GALNTL6: variants seen among roughly 807,000 people sequenced by gnomAD.
GALNTL6 encodes polypeptide N-acetylgalactosaminyltransferase like 6.
Under a neutral mutation model 73.7 loss-of-function variants are expected in GALNTL6, and 46 were observed. The ratio of observed to expected loss-of-function variants is 0.62; its 90% CI spans 0.49 to 0.80. GALNTL6 has a LOEUF of 0.80. Among genes scored for constraint, GALNTL6 ranks in the 30% least tolerant of loss-of-function variants. GALNTL6 has a pLI of 0.00. For synonymous variants in GALNTL6, 259 were observed against 263.7 expected (o/e 0.98, Z 0.17); for missense variants, 604 against 755.0 (o/e 0.80, Z 2.34).
At chr4:172,362,676 G>A (rs912797620) in intron 5 of GALNTL6, among the ~76,000 whole-genome samples, 1 of 152,030 alleles carries the variant, frequency 6.6e-6, no homozygotes, top group Non-Finnish European at 1.5e-5. Context: ...TGGACATCTG[G>A]AGCTAGAAGG....
chr4:172,928,045 GA>G (rs949044099), intron 8 of GALNTL6, among the ~76,000 whole-genome samples: 2 of 152,176 alleles, frequency 1.3e-5, no homozygotes, highest in African/African-American at 4.8e-5. Context: ...GTTAGTGTTT[GA>G]AAGGATTAAT....
At chr4:172,201,198 G>C (rs1201564109) in intron 2 of GALNTL6, among the ~76,000 whole-genome samples, 1 of 148,236 alleles carries the variant, frequency 6.7e-6, no homozygotes, top group Non-Finnish European at 1.5e-5. Context: ...TGGTTTGTTT[G>C]TTATTGTTTG....
chr4:172,687,372 G>A (rs765716123), intron 5 of GALNTL6, among the ~76,000 whole-genome samples: 4 of 152,076 alleles, frequency 2.6e-5, no homozygotes, highest in Non-Finnish European at 5.9e-5. Flanking sequence ...GCTCATACCT[G>A]TAATCCCAGC....
At chr4:172,062,980 T>C (rs773328855) in intron 2 of GALNTL6, among the ~76,000 whole-genome samples, 2 of 152,352 alleles carry the variant, frequency 1.3e-5, no homozygotes, top group East Asian at 3.9e-4. Flanking sequence ...TCTGGAAGCG[T>C]GCCTTGCAAA....
intron 2 of GALNTL6, chr4:171,815,719 G>A (rs960038757): frequency 1.3e-5 from 2 of 152,182 alleles, no homozygotes; most frequent in Non-Finnish European, 2.9e-5. Context: ...CATAGAAAAT[G>A]TTGAAGTAGT....
chr4:172,851,455 C>T (rs757660417), intron 7 of GALNTL6, among the ~76,000 whole-genome samples: 7 of 151,908 alleles, frequency 4.6e-5, no homozygotes, highest in Non-Finnish European at 8.8e-5. Flanking sequence ...ATATATATCA[C>T]GCATATATAC....
chr4:172,199,322 C>A (rs1039135891), intron 2 of GALNTL6, among the ~76,000 whole-genome samples: 3 of 152,086 alleles, frequency 2.0e-5, no homozygotes, highest in Non-Finnish European at 2.9e-5. Flanking sequence ...GATTATCTGA[C>A]AAAAAGACCA....
intron 6 of GALNTL6, among the ~76,000 whole-genome samples, chr4:172,813,231 G>A (rs1357476353): frequency 6.6e-6 from 1 of 152,168 alleles, no homozygotes; most frequent in South Asian, 2.1e-4. Flanking sequence ...TTCGATTCAC[G>A]ATAAAATGAC....
chr4:172,155,569 C>G (rs1046963604), intron 2 of GALNTL6, among the ~76,000 whole-genome samples: 1 of 152,124 alleles, frequency 6.6e-6, no homozygotes. Flanking sequence ...ATATTTTCTA[C>G]CAGATTTTAA....
intron 2 of GALNTL6, among the ~76,000 whole-genome samples, chr4:172,085,468 A>C (rs1478234577): frequency 1.3e-5 from 2 of 152,054 alleles, no homozygotes; most frequent in African/African-American, 4.8e-5. Context: ...CGGGAGGATC[A>C]CTGGAGCCCA....
chr4:172,102,182 G>A (rs2110962220), intron 2 of GALNTL6, among the ~76,000 whole-genome samples: 1 of 152,264 alleles, frequency 6.6e-6, no homozygotes, highest in South Asian at 2.1e-4. Flanking sequence ...ATAACCCAGT[G>A]GAGATTTACT....
At chr4:172,526,487 T>G (rs28413616) in intron 5 of GALNTL6, among the ~76,000 whole-genome samples, 7,299 of 152,268 alleles carry the variant, frequency 0.048, 535 homozygotes, top group African/African-American at 0.16. Context: ...TCTTTACTTT[T>G]CAATATTATG....
intron 5 of GALNTL6, among the ~76,000 whole-genome samples, chr4:172,727,320 C>A (rs187418148): frequency 6.6e-6 from 1 of 152,282 alleles, no homozygotes; most frequent in African/African-American, 2.4e-5. Flanking sequence ...TTCTCCCATT[C>A]TAGTCTCATT....
intron 5 of GALNTL6, among the ~76,000 whole-genome samples, chr4:172,472,585 G>T (rs909075565): frequency 6.6e-6 from 1 of 152,114 alleles, no homozygotes; most frequent in Non-Finnish European, 1.5e-5. Flanking sequence ...GTTAGGATAA[G>T]GTCATACTGG....
In GALNTL6 at chr4:171,825,253, C is replaced by T. The variant is rs573215986; in HGVS notation, c.138+10535C>T. ...AGAATTGGAAAAATCAAGAATAATG[C>T]GGCTGGAGACCATAGTTGAGTAACT... On this transcript the variant is annotated intron_variant, in intron 2 of 12. Coordinates refer to ENST00000506823, the MANE Select transcript of GALNTL6 (RefSeq NM_001034845.3). Among the ~76,000 whole-genome samples the T allele has an allele frequency of 1.9e-3, 286 of 152,124 alleles. 2 individuals carry two copies. The highest frequency in any genetic ancestry group is 6.0e-3 in the African/African-American group (250 of 41,508).
At chr4:172,920,318 G>A (rs902213628) in intron 8 of GALNTL6, among the ~76,000 whole-genome samples, 1 of 152,138 alleles carries the variant, frequency 6.6e-6, no homozygotes, top group Non-Finnish European at 1.5e-5. Context: ...TGTGAATAAA[G>A]GAAAGCAATG....
chr4:171,974,829 T>G (rs147222099), intron 2 of GALNTL6, among the ~76,000 whole-genome samples: 1 of 152,328 alleles, frequency 6.6e-6, no homozygotes, highest in South Asian at 2.1e-4. Context: ...TGATCATTCA[T>G]TCATCATTTT....
At chr4:172,574,465 T>C (rs1168987752) in intron 5 of GALNTL6, among the ~76,000 whole-genome samples, 1 of 150,992 alleles carries the variant, frequency 6.6e-6, no homozygotes, top group Non-Finnish European at 1.5e-5. Flanking sequence ...ATAAAAATTT[T>C]ATTTTTAAAA....
chr4:172,315,537 C>A (rs1031692206), intron 4 of GALNTL6, among the ~76,000 whole-genome samples: 4 of 152,208 alleles, frequency 2.6e-5, no homozygotes, highest in African/African-American at 9.7e-5. Context: ...AGGCATGAGC[C>A]ACTGTGCCTG....
Sources: allele counts gnomAD v4.1 joint callset (sites outside exome capture counted in the v4.1 genomes callset), GRCh38; gene constraint gnomAD v4.1.1; transcripts MANE v1.5; gene names NCBI Gene and HGNC (gene_info 2026-07-23, HGNC 2026-07-21).